Variants in DOK5 observed in about 807,000 individuals in gnomAD.
DOK5 encodes docking protein 5.
A neutral mutation model predicts 43.3 loss-of-function variants in DOK5; 27 were observed. The ratio of observed to expected loss-of-function variants is 0.62; its 90% CI spans 0.46 to 0.86. DOK5 has a LOEUF of 0.86. DOK5 is among the 40% of genes least tolerant of loss of function. The pLI is 0.00. For missense variants in DOK5, 373 were observed against 392.9 expected (o/e 0.95, Z 0.43); for synonymous variants, 146 against 140.1 (o/e 1.04, Z -0.30).
In DOK5 at chr20:54,645,214, TGA is replaced by T. The variant is rs1384764210; in HGVS notation, c.856+1637_856+1638del. On this transcript the variant is annotated intron_variant, in intron 7 of 7. Coordinates refer to ENST00000262593, the MANE Select transcript of DOK5 (RefSeq NM_018431.5). Reference sequence around the variant, plus strand: ...ATAATTGAATGCAAGAATGAATGAATGACCATGGAAGACTATGGCCTTAGTCC... The same window carrying T: ...ATAATTGAATGCAAGAATGAATGAATCCATGGAAGACTATGGCCTTAGTCC... Among the ~76,000 whole-genome samples the T allele has an allele frequency of 2.0e-5, 3 of 151,908 alleles. No homozygotes were observed. In the East Asian group the frequency reaches 5.9e-4, roughly 30 times the overall value.
chr20:54,483,660 T>C (rs946690237), intron 1 of DOK5, among the ~76,000 whole-genome samples: 2 of 152,182 alleles, frequency 1.3e-5, no homozygotes, highest in Non-Finnish European at 2.9e-5. Context: ...AATTAAACCT[T>C]TGGAGATTCT....
chr20:54,484,347 C>G (rs910631454), intron 1 of DOK5, among the ~76,000 whole-genome samples: 84 of 149,752 alleles, frequency 5.6e-4, no homozygotes, highest in African/African-American at 1.9e-3. Context: ...CCACTGCACT[C>G]CAGCCTGGGG....
chr20:54,628,708 C>T (rs964548087), intron 6 of DOK5, among the ~76,000 whole-genome samples: 1 of 152,032 alleles, frequency 6.6e-6, no homozygotes, highest in African/African-American at 2.4e-5. Flanking sequence ...GAACCTGCTC[C>T]GTCAAGCAGA....
At chr20:54,500,482 C>T (rs552654200) in intron 1 of DOK5, among the ~76,000 whole-genome samples, 1 of 148,550 alleles carries the variant, frequency 6.7e-6, no homozygotes, top group East Asian at 1.9e-4. Context: ...ATATTTCTTC[C>T]TATTTTTTTC....
chr20:54,503,722 G>C (rs187123274), intron 1 of DOK5, among the ~76,000 whole-genome samples: 1 of 152,222 alleles, frequency 6.6e-6, no homozygotes, highest in East Asian at 1.9e-4. Context: ...TTAGAGGTTT[G>C]GTTTGGGGAT....
intron 1 of DOK5, among the ~76,000 whole-genome samples, chr20:54,492,202 C>T (rs1187494902): frequency 1.3e-5 from 2 of 152,090 alleles, no homozygotes; most frequent in Admixed American, 1.3e-4. Flanking sequence ...AGACTGGTCT[C>T]ACTTCCTGGG....
intron 1 of DOK5, among the ~76,000 whole-genome samples, chr20:54,525,173 A>C (rs1426483364): frequency 1.3e-5 from 2 of 152,208 alleles, no homozygotes; most frequent in African/African-American, 4.8e-5. Flanking sequence ...ACAGACTAAC[A>C]AACTATTGAG....
intron 1 of DOK5, among the ~76,000 whole-genome samples, chr20:54,525,459 GC>G (rs1983545608): frequency 6.6e-6 from 1 of 152,178 alleles, no homozygotes; most frequent in Admixed American, 6.5e-5. Context: ...AACATATGGT[GC>G]TTTTGTTAGT....
intron 5 of DOK5, among the ~76,000 whole-genome samples, chr20:54,602,744 G>A (rs917313593): frequency 6.6e-6 from 1 of 151,880 alleles, no homozygotes; most frequent in East Asian, 1.9e-4. Flanking sequence ...GCGTGATCTC[G>A]GCTCACTGCA....
chr20:54,643,571 C>T lies in DOK5; in HGVS notation c.849C>T (p.Arg283=), dbSNP rs1168352486. The T allele has an allele frequency of 6.2e-7, 1 of 1,612,602 alleles. No homozygotes were observed. Among genetic ancestry groups the T allele is most frequent in the Non-Finnish European group, 8.5e-7 (1 of 1,179,892 alleles). The part of the protein sequence containing the change: ...TRQHSTGQLY[R]LQDVSSPLKL... Reference sequence around the variant, plus strand: ...AGCACAGCACGGGACAGCTCTACCGCTTGCAAGGTAAGCGTGGGGCTACCT... The same window carrying T: ...AGCACAGCACGGGACAGCTCTACCGTTTGCAAGGTAAGCGTGGGGCTACCT... The change falls in exon 7 of 8, where the codon CGC becomes CGT. Residue 283 remains arginine (R), a synonymous_variant. Transcript: ENST00000262593.
chr20:54,523,482 C>T (rs1983481220), intron 1 of DOK5, among the ~76,000 whole-genome samples: 1 of 151,780 alleles, frequency 6.6e-6, no homozygotes, highest in Non-Finnish European at 1.5e-5. Flanking sequence ...AGGAGAATTG[C>T]TTCAACCTGA....
intron 6 of DOK5, among the ~76,000 whole-genome samples, chr20:54,621,635 G>A (rs1343116403): frequency 6.6e-6 from 1 of 151,812 alleles, no homozygotes; most frequent in Non-Finnish European, 1.5e-5. Context: ...GTTGCAGTGA[G>A]CTGAGATTGC....
At chr20:54,549,212 G>T (rs1455636619) in intron 1 of DOK5, among the ~76,000 whole-genome samples, 2 of 149,368 alleles carry the variant, frequency 1.3e-5, no homozygotes, top group Non-Finnish European at 2.9e-5. Flanking sequence ...GAGCAAATTT[G>T]TCTGGTCCCA....
intron 5 of DOK5, among the ~76,000 whole-genome samples, chr20:54,603,707 C>A (rs1555835237): frequency 6.6e-6 from 1 of 152,136 alleles, no homozygotes; most frequent in Non-Finnish European, 1.5e-5. Context: ...CACGATCAGA[C>A]CACGTCAGTG....
chr20:54,537,069 G>A (rs1034331540), intron 1 of DOK5, among the ~76,000 whole-genome samples: 6 of 152,210 alleles, frequency 3.9e-5, no homozygotes, highest in Admixed American at 3.9e-4. Flanking sequence ...AGTGGAGGCC[G>A]CATGAGCAGA....
rs11468808 is a variant in DOK5, at chr20:54,619,023, T to TTATA, written c.735+8548_735+8551dup. Reference sequence around the variant, plus strand: ...CAGAACAAGACCTTGTTTCAATAAATTATATATATATATATATATATATAT... The same window carrying TTATA: ...CAGAACAAGACCTTGTTTCAATAAATTATATATATATATATATATATATATATAT... On this transcript the variant is annotated intron_variant, in intron 6 of 7. Transcript: ENST00000262593. 2.7e-3 allele frequency among the ~76,000 whole-genome samples: 118 copies of TTATA among 43,328 alleles called. 2 individuals carry two copies. The highest frequency in any genetic ancestry group is 4.4e-3 in the Non-Finnish European group (94 of 21,542). The allele number at this position is 43,328 out of a possible 152,430, so 28.4% of individuals were successfully genotyped here. A position where few individuals can be genotyped will look rare whatever the true frequency, so the allele number is the denominator to read the frequency against.
At chr20:54,606,017 G>A (rs1377595443) in intron 5 of DOK5, among the ~76,000 whole-genome samples, 1 of 152,326 alleles carries the variant, frequency 6.6e-6, no homozygotes, top group East Asian at 1.9e-4. Context: ...AGGCCAGCCA[G>A]GTGATCCCTG....
intron 2 of DOK5, among the ~76,000 whole-genome samples, chr20:54,573,361 G>A (rs1442688119): frequency 1.3e-5 from 2 of 152,106 alleles, no homozygotes; most frequent in African/African-American, 4.8e-5. Context: ...TTTCAGTTGG[G>A]CTTTAAAGAT....
In DOK5 at chr20:54,619,026, TATATATATATATATATATATATATA is replaced by T. The variant is rs1986903078; in HGVS notation, c.735+8504_735+8528del. Among the ~76,000 whole-genome samples, 440 of 42,820 alleles carry T rather than the reference TATATATATATATATATATATATATA, an allele frequency of 0.01. 7 individuals are homozygous for T. In the Middle Eastern group the frequency reaches 0.15, roughly 14 times the overall value. The allele number at this position is 42,820 out of a possible 152,430, so 28.1% of individuals were successfully genotyped here. ...AACAAGACCTTGTTTCAATAAATTA[TATATATATATATATATATATATATA>T]TATATATATATATATATATATATGA... On this transcript the variant is annotated intron_variant, in intron 6 of 7. Transcript: ENST00000262593.
Sources: gnomAD v4.1 joint callset for allele counts (sites outside exome capture counted in the v4.1 genomes callset) on GRCh38, gnomAD v4.1.1 for gene constraint, MANE v1.5 for transcripts, NCBI Gene and HGNC (gene_info 2026-07-23, HGNC 2026-07-21) for gene names.